Variants in ZNF365 observed in about 807,000 individuals in gnomAD.
The protein encoded by ZNF365 is zinc finger protein 365.
Under a neutral mutation model 35.0 loss-of-function variants are expected in ZNF365, and 22 were observed. The observed-to-expected ratio is 0.63, with a 90% CI of 0.45 to 0.90. The LOEUF (loss-of-function observed/expected upper bound fraction) is 0.90. Ranked by LOEUF, ZNF365 falls within the 40% of genes least tolerant of loss-of-function variation. The pLI, the probability that ZNF365 is intolerant of heterozygous loss-of-function variation, is 0.00. For synonymous variants in ZNF365, 188 were observed against 196.2 expected, an observed-to-expected ratio of 0.96 and a Z score of 0.35; for missense variants, 448 against 500.3, an observed-to-expected ratio of 0.90 and a Z score of 1.00.
chr10:62,380,219 T>C (rs913716241), intron 2 of ZNF365, among the ~76,000 whole-genome samples: 1 of 152,242 alleles, frequency 6.6e-6, no homozygotes, highest in African/African-American at 2.4e-5. Context: ...ATGACTCAGG[T>C]TTGAACTATG....
chr10:62,469,562 A>C (rs1841000029), intron 4 of ZNF365, among the ~76,000 whole-genome samples: 1 of 152,054 alleles, frequency 6.6e-6, no homozygotes, highest in African/African-American at 2.4e-5. Context: ...TATATTTTTT[A>C]TTTATCTTTT....
At chr10:62,444,182 T>C (rs1015598942) in intron 3 of ZNF365, among the ~76,000 whole-genome samples, 4 of 152,148 alleles carry the variant, frequency 2.6e-5, no homozygotes, top group Admixed American at 2.0e-4. Context: ...TCTGCCCCCA[T>C]TTCCCATCTT....
intron 3 of ZNF365, among the ~76,000 whole-genome samples, chr10:62,442,629 C>A (rs1215936593): frequency 6.6e-6 from 1 of 152,150 alleles, no homozygotes; most frequent in African/African-American, 2.4e-5. Flanking sequence ...TGGCCTTCTT[C>A]CTTTGCCTGC....
At chr10:62,413,823 CCT>C (rs1840028064) in intron 3 of ZNF365, among the ~76,000 whole-genome samples, 2 of 152,006 alleles carry the variant, frequency 1.3e-5, no homozygotes, top group South Asian at 4.2e-4. Flanking sequence ...AAATATTGGC[CCT>C]CTCTTCACCA....
Position 62,376,378 on chromosome 10 carries a change from G to T in ZNF365, c.185G>T (p.Cys62Phe). 6.2e-7 allele frequency: 1 copy of T among 1,614,062 alleles called. No homozygotes were observed. Residue 62 changes from cysteine to phenylalanine, a missense_variant, in exon 2 of 5, where the codon TGC becomes TTC. Cys to Phe is a radical substitution (Grantham distance 205). Coordinates refer to ENST00000395254, the MANE Select transcript of ZNF365 (RefSeq NM_014951.3). ...SYEERTLLTK[C>F]SLFPSLKDTD... is the part of the protein sequence containing the mutation. ...GAAGAAAGAACCCTCTTGACAAAATGCAGTCTCTTTCCATCCCTCAAAGAC... is the reference window on the plus strand; with the variant it reads ...GAAGAAAGAACCCTCTTGACAAAATTCAGTCTCTTTCCATCCCTCAAAGAC...
At chr10:62,437,018 T>C (rs1840418198) in intron 3 of ZNF365, among the ~76,000 whole-genome samples, 2 of 152,192 alleles carry the variant, frequency 1.3e-5, no homozygotes, top group East Asian at 1.9e-4. Context: ...AAACTCTCTC[T>C]AGCTAAGAGG....
At chr10:62,459,937 C>A in intron 4 of ZNF365, 1 of 712,864 alleles carries the variant, frequency 1.4e-6, no homozygotes, top group South Asian at 1.8e-5. Context: ...CATTCTCCTT[C>A]TCCCAAGTCA....
In ZNF365 at chr10:62,376,537, T is replaced by C; in HGVS notation, c.344T>C (p.Phe115Ser). ...SHEHSKDRKP[F>S]EVVAERPVSY... Reference sequence around the variant, plus strand: ...GAACATTCCAAGGACAGGAAGCCATTTGAGGTGGTGGCAGAGAGGCCTGTG... The same window carrying C: ...GAACATTCCAAGGACAGGAAGCCATCTGAGGTGGTGGCAGAGAGGCCTGTG... The change falls in exon 2 of 5, where the codon TTT (phenylalanine) becomes TCT (serine). Residue 115 changes from phenylalanine to serine, a missense_variant. Phe to Ser is a radical substitution (Grantham distance 155). Around this residue, in one of 3 missense-constraint regions of ZNF365, gnomAD observed 362 missense variants for 375.7 expected, o/e 0.96. Transcript: ENST00000395254. 2.5e-6 allele frequency: 4 copies of C among 1,614,088 alleles called. No individual in the cohort carries two copies. Among genetic ancestry groups the C allele is most frequent in the Non-Finnish European group, 3.4e-6 (4 of 1,180,024 alleles).
chr10:62,399,364 T>A (rs1463379361), intron 4 of ZNF365, among the ~76,000 whole-genome samples, 164 bp from the exon 5 acceptor site: 1 of 152,180 alleles, frequency 6.6e-6, no homozygotes, highest in Non-Finnish European at 1.5e-5. Context: ...CCACAGGAAT[T>A]TTTGGAAGAA....
In ZNF365 at chr10:62,401,315, A is replaced by G; in HGVS notation, c.*1526A>G. 1.0e-6 allele frequency: 1 copy of G among 985,564 alleles called. No individual in the cohort carries two copies. The highest frequency in any genetic ancestry group is 1.2e-6 in the Non-Finnish European group (1 of 829,926). The allele number at this position is 985,564 out of a possible 1,614,324, so 61.1% of individuals were successfully genotyped here. A position where few individuals can be genotyped will look rare whatever the true frequency, so the allele number is the denominator to read the frequency against. Reference sequence around the variant, plus strand: ...ACTGTAACGTAATTAACATTGGCAGAATTATGATTGTTACTGCAATAAGCA... The same window carrying G: ...ACTGTAACGTAATTAACATTGGCAGGATTATGATTGTTACTGCAATAAGCA... On this transcript the variant is annotated 3_prime_UTR_variant, in exon 5 of 5. Transcript: ENST00000395254.
At chr10:62,438,891 T>C (rs1840449984) in intron 3 of ZNF365, among the ~76,000 whole-genome samples, 1 of 152,158 alleles carries the variant, frequency 6.6e-6, no homozygotes, top group African/African-American at 2.4e-5. Flanking sequence ...GCAGAAAGAA[T>C]TTGCCTGGTC....
chr10:62,381,964 G>A (rs1839446923), intron 2 of ZNF365, among the ~76,000 whole-genome samples: 1 of 152,156 alleles, frequency 6.6e-6, no homozygotes, highest in African/African-American at 2.4e-5. Context: ...TCTAGGTTCC[G>A]ACCATGGGAT....
At chr10:62,424,224 C>T (rs1224808140) in intron 3 of ZNF365, among the ~76,000 whole-genome samples, 1 of 152,108 alleles carries the variant, frequency 6.6e-6, no homozygotes, top group Admixed American at 6.6e-5. Flanking sequence ...CCCATTACTG[C>T]CCCCTTGCTA....
At chr10:62,399,302 A>G (rs1378995197) in intron 4 of ZNF365, among the ~76,000 whole-genome samples, 1 of 152,184 alleles carries the variant, frequency 6.6e-6, no homozygotes, top group Non-Finnish European at 1.5e-5. Flanking sequence ...CTGTAAATAG[A>G]ACTAGTAATA....
At chr10:62,437,119 A>C (rs779481291) in intron 3 of ZNF365, among the ~76,000 whole-genome samples, 2 of 152,190 alleles carry the variant, frequency 1.3e-5, no homozygotes. Context: ...TGGATGGTTT[A>C]TTTTAAAGTC....
intron 2 of ZNF365, among the ~76,000 whole-genome samples, chr10:62,385,788 C>T (rs1325823756): frequency 1.3e-5 from 2 of 152,196 alleles, no homozygotes; most frequent in African/African-American, 2.4e-5. Flanking sequence ...GATTCTGTCC[C>T]TGCCCAGTTG....
intron 3 of ZNF365, among the ~76,000 whole-genome samples, chr10:62,446,856 G>A (rs1275116075): frequency 6.6e-6 from 1 of 152,120 alleles, no homozygotes; most frequent in Admixed American, 6.6e-5. Context: ...TTGATGTGTG[G>A]GAGGCGGTAG....
chr10:62,479,487 G>A (rs769412846), intron 4 of ZNF365, among the ~76,000 whole-genome samples: 8 of 152,134 alleles, frequency 5.3e-5, no homozygotes, highest in Non-Finnish European at 8.8e-5. Context: ...CATACCTCTG[G>A]CTCATCAGGC....
chr10:62,461,789 A>G (rs896038689), intron 4 of ZNF365, among the ~76,000 whole-genome samples: 4 of 152,190 alleles, frequency 2.6e-5, no homozygotes, highest in African/African-American at 9.7e-5. Flanking sequence ...CACAAAAGGG[A>G]AAAAAATCTT....
Sources: gnomAD v4.1 joint callset for allele counts (sites outside exome capture counted in the v4.1 genomes callset) on GRCh38, gnomAD v4.1.1 for gene constraint, gnomAD v4.1.1 regional missense constraint, MANE v1.5 for transcripts, NCBI Gene and HGNC (gene_info 2026-07-23, HGNC 2026-07-21) for gene names.